The following PRKCE variants were observed in gnomAD, a reference collection of about 807,000 sequenced individuals.
PRKCE encodes the protein protein kinase C epsilon.
In PRKCE, 16 loss-of-function variants were observed where a neutral mutation model predicts 85.4. The ratio of observed to expected loss-of-function variants is 0.19; its 90% CI spans 0.13 to 0.28. The LOEUF is 0.28. PRKCE is among the 10% of genes least tolerant of loss of function. The probability of loss-of-function intolerance (pLI) is 1.00; values close to 1 mark genes in which losing one functional copy is unlikely to be tolerated. For missense variants in PRKCE, 573 were observed against 975.2 expected (o/e 0.59, Z 5.49); for synonymous variants, 388 against 371.5 (o/e 1.04, Z -0.51).
chr2:46,008,946 G>T (rs746495146), intron 9 of PRKCE, among the ~76,000 whole-genome samples: 1 of 152,160 alleles, frequency 6.6e-6, no homozygotes, highest in Non-Finnish European at 1.5e-5. Flanking sequence ...ATACGCGGGC[G>T]ACAAAAAGTC....
chr2:46,180,355 T>C (rs945178191), intron 14 of PRKCE, among the ~76,000 whole-genome samples: 1 of 151,974 alleles, frequency 6.6e-6, no homozygotes, highest in African/African-American at 2.4e-5. Flanking sequence ...GAGATGAACC[T>C]GGGGGATGAG....
At position 45,732,706 on chromosome 2, in the gene PRKCE, G is replaced by A. The variant is rs1247043360; in HGVS notation, c.348+80258G>A. 3.9e-5 allele frequency among the ~76,000 whole-genome samples: 6 copies of A among 152,082 alleles called. No individual in the cohort carries two copies. In the East Asian group the frequency reaches 5.8e-4, roughly 15 times the overall value. Reference sequence around the variant, plus strand: ...GTGTTGCCTGCACCTTCCTCAGCCAGCACCTAACACACTATTTGGTATTTT... The same window carrying A: ...GTGTTGCCTGCACCTTCCTCAGCCAACACCTAACACACTATTTGGTATTTT... On this transcript the variant is annotated intron_variant, in intron 1 of 14. Transcript: ENST00000306156.
intron 13 of PRKCE, among the ~76,000 whole-genome samples, chr2:46,153,157 T>C (rs1446353113): frequency 6.6e-6 from 1 of 152,208 alleles, no homozygotes; most frequent in African/African-American, 2.4e-5. Context: ...TTGTGAAGTT[T>C]CCAATCCTGT....
intron 10 of PRKCE, among the ~76,000 whole-genome samples, chr2:46,051,437 A>G (rs1708853124): frequency 6.6e-6 from 1 of 152,194 alleles, no homozygotes; most frequent in South Asian, 2.1e-4. Flanking sequence ...TGAGGTTCAA[A>G]GAAGTTATAT....
intron 1 of PRKCE, among the ~76,000 whole-genome samples, chr2:45,823,964 G>A (rs1689739294): frequency 6.6e-6 from 1 of 152,248 alleles, no homozygotes; most frequent in African/African-American, 2.4e-5. Context: ...TGCACTCACA[G>A]GATGTGCTCA....
chr2:45,933,398 G>T (rs1319264706), intron 2 of PRKCE, among the ~76,000 whole-genome samples: 1 of 145,266 alleles, frequency 6.9e-6, no homozygotes, highest in Non-Finnish European at 1.5e-5. Flanking sequence ...CTACCTGAAT[G>T]TCTTAAGGAT....
intron 1 of PRKCE, among the ~76,000 whole-genome samples, chr2:45,820,034 T>C (rs2105326896): frequency 6.6e-6 from 1 of 152,240 alleles, no homozygotes; most frequent in East Asian, 1.9e-4. Context: ...GCAGTACTTT[T>C]ACAGGACTGA....
At chr2:45,912,867 C>A (rs1697482993) in intron 2 of PRKCE, among the ~76,000 whole-genome samples, 1 of 152,142 alleles carries the variant, frequency 6.6e-6, no homozygotes, top group South Asian at 2.1e-4. Context: ...CTGGGGACCA[C>A]CATCCAACCC....
intron 10 of PRKCE, among the ~76,000 whole-genome samples, chr2:46,030,631 T>C (rs1487790895): frequency 6.6e-6 from 1 of 152,244 alleles, no homozygotes; most frequent in East Asian, 1.9e-4. Context: ...GATCTAAAGC[T>C]GCTACCTTCA....
intron 1 of PRKCE, among the ~76,000 whole-genome samples, chr2:45,776,782 G>A (rs2075465825): frequency 6.6e-6 from 1 of 152,156 alleles, no homozygotes; most frequent in South Asian, 2.1e-4. Context: ...CTGGAGGAAG[G>A]CCAGCCTCAC....
intron 2 of PRKCE, among the ~76,000 whole-genome samples, chr2:45,929,319 C>G (rs751076594): frequency 5.3e-5 from 8 of 152,288 alleles, no homozygotes; most frequent in South Asian, 2.1e-4. Flanking sequence ...ATCTGAGACA[C>G]CAAAGAGCGA....
At chr2:46,165,557 ATCCCAAGATGATGGCCTTG>A (rs1193746573) in intron 14 of PRKCE, among the ~76,000 whole-genome samples, 1 of 152,250 alleles carries the variant, frequency 6.6e-6, no homozygotes, top group African/African-American at 2.4e-5. Flanking sequence ...TGGGGATTTC[ATCCCAAGATGATGGCCTTG>A]TCTAATTGCC....
chr2:45,777,620 A>T lies in PRKCE; in HGVS notation c.349-65380A>T, dbSNP rs756942357. Among the ~76,000 whole-genome samples the T allele has an allele frequency of 1.4e-4, 21 of 152,308 alleles. 1 individual carries two copies. The highest frequency in any genetic ancestry group is 3.4e-3 in the Middle Eastern group (1 of 294). ...ATATTGAATCTGCACTAGCAACTCT[A>T]TGCAGTACGTATTATTATTACTTCT... On this transcript the variant is annotated intron_variant, in intron 1 of 14. Coordinates refer to ENST00000306156, the MANE Select transcript of PRKCE (RefSeq NM_005400.3).
At chr2:46,109,529 C>A (rs1437252253) in intron 11 of PRKCE, among the ~76,000 whole-genome samples, 1 of 152,088 alleles carries the variant, frequency 6.6e-6, no homozygotes, top group East Asian at 1.9e-4. Flanking sequence ...CATAGGACAT[C>A]AGATGACTTT....
At chr2:46,164,139 G>T (rs1049774143) in intron 14 of PRKCE, among the ~76,000 whole-genome samples, 1 of 152,222 alleles carries the variant, frequency 6.6e-6, no homozygotes, top group East Asian at 1.9e-4. Flanking sequence ...AGGGAAGAGG[G>T]AAAACTGGTT....
intron 11 of PRKCE, among the ~76,000 whole-genome samples, chr2:46,124,751 C>T (rs923671174): frequency 2.6e-5 from 4 of 152,212 alleles, no homozygotes; most frequent in African/African-American, 9.7e-5. Flanking sequence ...AGTCTTCTAT[C>T]TCTCTGATCT....
intron 2 of PRKCE, among the ~76,000 whole-genome samples, chr2:45,937,602 C>G (rs374639124): frequency 1.1e-4 from 16 of 152,174 alleles, no homozygotes; most frequent in African/African-American, 3.4e-4. Flanking sequence ...GTAGTCCCAG[C>G]TACTCGGGAG....
Position 46,182,909 on chromosome 2 carries a change from T to G in PRKCE, c.2068-1826T>G, listed in dbSNP as rs138268516. Among the ~76,000 whole-genome samples, 4 of 152,258 alleles carry G rather than the reference T, an allele frequency of 2.6e-5. No individual in the cohort carries two copies. In the East Asian group the frequency reaches 7.7e-4, roughly 29 times the overall value. On this transcript the variant is annotated intron_variant, in intron 14 of 14. Transcript: ENST00000306156. The stretch of plus-strand genomic sequence containing the variant: ...CTTCCAATTTCTCCCGTGTCCAGAT[T>G]TCCAGACCTTACCCACTGTGGAAGG...
At chr2:45,835,254 T>C (rs1690762090) in intron 1 of PRKCE, among the ~76,000 whole-genome samples, 1 of 152,254 alleles carries the variant, frequency 6.6e-6, no homozygotes. Flanking sequence ...AATCGTTTTT[T>C]TCCATTTTTA....
Sources: gnomAD v4.1 joint callset for allele counts (sites outside exome capture counted in the v4.1 genomes callset) on GRCh38, gnomAD v4.1.1 for gene constraint, MANE v1.5 for transcripts, NCBI Gene and HGNC (gene_info 2026-07-23, HGNC 2026-07-21) for gene names.